The following SEPTIN6 variants were observed in gnomAD, a reference collection of about 807,000 sequenced individuals.
SEPTIN6 encodes septin-6.
SEPTIN6 carries 8 observed loss-of-function variants against 33.6 expected under a neutral mutation model. The ratio of observed to expected loss-of-function variants is 0.24; its 90% CI spans 0.14 to 0.43. The LOEUF (loss-of-function observed/expected upper bound fraction) is 0.43, where lower values mean the gene tolerates loss of function less well. SEPTIN6 is among the 20% of genes least tolerant of loss of function. The probability of loss-of-function intolerance (pLI) is 1.00; values close to 1 mark genes in which losing one functional copy is unlikely to be tolerated. For missense variants in SEPTIN6, 250 were observed against 340.8 expected (o/e 0.73, Z 2.10); for synonymous variants, 131 against 140.0 (o/e 0.94, Z 0.45).
In SEPTIN6 at chrX:119,640,678, G is replaced by A. The variant is rs370954680; in HGVS notation, c.787+14C>T. 10 of 1,178,999 alleles carry A rather than the reference G, an allele frequency of 8.5e-6. No individual in the cohort carries two copies. The highest frequency in any genetic ancestry group is 3.5e-5 in the African/African-American group (2 of 56,418). On this transcript the variant is annotated intron_variant, in intron 6 of 10. Coordinates refer to ENST00000394610, the MANE Select transcript of SEPTIN6 (RefSeq NM_145799.4). ...GGGCTTCCTGTGTGTAGCCCTTCCCGGAGACTCACTCACCCTGCACAGTGC... is the reference window on the plus strand; with the variant it reads ...GGGCTTCCTGTGTGTAGCCCTTCCCAGAGACTCACTCACCCTGCACAGTGC...
rs1205827998 is a variant in SEPTIN6 at position 119,619,801 on chromosome X, CAG to C, written c.*290_*291del. The stretch of plus-strand genomic sequence containing the variant: ...CCTCTGGCAAAGATGTGGGGGAAGA[CAG>C]GGGGGATGGCTGGGGGTGCTGGGAG... On this transcript the variant is annotated 3_prime_UTR_variant, in exon 11 of 11. Coordinates refer to ENST00000394610, the MANE Select transcript of SEPTIN6 (RefSeq NM_145799.4). 73 of 1,034,099 alleles carry C rather than the reference CAG, an allele frequency of 7.1e-5. No individual in the cohort carries two copies. Among genetic ancestry groups the C allele is most frequent in the Non-Finnish European group, 8.5e-5 (69 of 808,805 alleles). 85.2% of individuals were successfully genotyped at this position (1,034,099 alleles called of 1,213,427 possible). A position where few individuals can be genotyped will look rare whatever the true frequency, so the allele number is the denominator to read the frequency against.
At chrX:119,632,487 C>T (rs769206967) in intron 8 of SEPTIN6, among the ~76,000 whole-genome samples, 15 of 107,961 alleles carry the variant, frequency 1.4e-4, no homozygotes, top group South Asian at 8.1e-4. Flanking sequence ...TGAGCCACCG[C>T]GCCCAGCCAA....
At chrX:119,668,051 T>C (rs2054674691) in intron 2 of SEPTIN6, among the ~76,000 whole-genome samples, 1 of 111,809 alleles carries the variant, frequency 8.9e-6, no homozygotes, top group East Asian at 2.8e-4. Flanking sequence ...ATCCCAGCAC[T>C]TTGGGAGGTC....
At chrX:119,634,233 G>C (rs770138915) in intron 7 of SEPTIN6, among the ~76,000 whole-genome samples, 1 of 110,335 alleles carries the variant, frequency 9.1e-6, no homozygotes, top group Non-Finnish European at 1.9e-5. Flanking sequence ...GCCAGGCGTC[G>C]TAGTGGGCGC....
chrX:119,616,029 A>G (rs2053661563), downstream of SEPTIN6: 1 of 177,672 alleles, frequency 5.6e-6, no homozygotes, highest in African/African-American at 3.0e-5. Flanking sequence ...AATGAATTCA[A>G]GGCAGATTTA....
At position 119,618,619 on chromosome X, in the gene SEPTIN6, A is replaced by G. The variant is rs756226885; in HGVS notation, c.*1474T>C. 51 of 1,053,646 alleles carry G rather than the reference A, an allele frequency of 4.8e-5. No homozygotes were observed. In the African/African-American group the frequency reaches 5.4e-4, roughly 11 times the overall value. 86.8% of individuals were successfully genotyped at this position (1,053,646 alleles called of 1,213,427 possible). On this transcript the variant is annotated 3_prime_UTR_variant, in exon 11 of 11. Coordinates refer to ENST00000394610, the MANE Select transcript of SEPTIN6 (RefSeq NM_145799.4). Reference sequence around the variant, plus strand: ...GGCAGGAGCAAGTTGCGGAACTCAAAAAGAAGAAGTGAGCTTGAAGTACAT... The same window carrying G: ...GGCAGGAGCAAGTTGCGGAACTCAAGAAGAAGAAGTGAGCTTGAAGTACAT...
At chrX:119,632,925 G>A (rs2053992446) in intron 8 of SEPTIN6, among the ~76,000 whole-genome samples, 1 of 112,791 alleles carries the variant, frequency 8.9e-6, no homozygotes, top group Non-Finnish European at 1.9e-5. Context: ...ACAGTGTCCG[G>A]CCCAATGTTT....
At chrX:119,655,190 T>G (rs1399663236) in intron 3 of SEPTIN6, among the ~76,000 whole-genome samples, 1 of 110,894 alleles carries the variant, frequency 9.0e-6, no homozygotes, top group Non-Finnish European at 1.9e-5. Context: ...GCTCTCAAGA[T>G]GTACATGGAT....
chrX:119,654,973 T>C (rs973315677), intron 3 of SEPTIN6, among the ~76,000 whole-genome samples: 3 of 111,767 alleles, frequency 2.7e-5, no homozygotes, highest in African/African-American at 6.5e-5. Context: ...TTTGGATGTT[T>C]TGCTGATTTG....
Position 119,619,247 on chromosome X carries a change from C to T in SEPTIN6, c.*846G>A. 2 of 817,213 alleles carry T rather than the reference C, an allele frequency of 2.4e-6. No individual in the cohort carries two copies. The highest frequency in any genetic ancestry group is 2.1e-5 in the African/African-American group (1 of 46,631). 67.3% of individuals were successfully genotyped at this position (817,213 alleles called of 1,213,427 possible). On this transcript the variant is annotated 3_prime_UTR_variant, in exon 11 of 11. Transcript: ENST00000394610. Reference sequence around the variant, plus strand: ...TTATTGGGACAGTATGGAGCCCTTCCGGAAATTACCCCCCGAGATGCTGAA... The same window carrying T: ...TTATTGGGACAGTATGGAGCCCTTCTGGAAATTACCCCCCGAGATGCTGAA...
intron 2 of SEPTIN6, among the ~76,000 whole-genome samples, chrX:119,670,892 C>T (rs1021467982): frequency 1.9e-5 from 2 of 105,065 alleles, no homozygotes; most frequent in Non-Finnish European, 3.9e-5. Flanking sequence ...GCGCCAAGAT[C>T]GTGCCATCGC....
Position 119,617,362 on chromosome X carries a change from C to A in SEPTIN6, c.*2731G>T. ...GAAATACACATTTTAATAGGTTGAT[C>A]AACTTTTTAATTTATGTTCACTCAT... is the stretch of plus-strand genomic sequence containing the variant. On this transcript the variant is annotated 3_prime_UTR_variant, in exon 11 of 11. Transcript: ENST00000394610. 1.2e-6 allele frequency: 1 copy of A among 804,016 alleles called. No individual in the cohort carries two copies. Among genetic ancestry groups the A allele is most frequent in the Non-Finnish European group, 1.5e-6 (1 of 669,991 alleles). The allele number at this position is 804,016 out of a possible 1,213,427, so 66.3% of individuals were successfully genotyped here.
chrX:119,655,850 G>A (rs2054433606), intron 3 of SEPTIN6, among the ~76,000 whole-genome samples: 1 of 112,423 alleles, frequency 8.9e-6, no homozygotes, highest in Admixed American at 9.4e-5. Flanking sequence ...CTGAAGTTTA[G>A]CAGTTTCTTC....
At position 119,657,336 on chromosome X, in the gene SEPTIN6, G is replaced by A. The variant is rs141221122; in HGVS notation, c.342-4296C>T. 7.0e-3 allele frequency among the ~76,000 whole-genome samples: 777 copies of A among 110,588 alleles called. 4 individuals are homozygous for A. Among genetic ancestry groups the A allele is most frequent in the African/African-American group, 0.024 (736 of 30,426 alleles). ...TTTATAAAGTGGACTAGGTTTCCAC[G>A]GCAACTTGGTTCTCAGTCTTGTCAA... is the stretch of plus-strand genomic sequence containing the variant. On this transcript the variant is annotated intron_variant, in intron 3 of 10. Coordinates refer to ENST00000394610, the MANE Select transcript of SEPTIN6 (RefSeq NM_145799.4).
At chrX:119,664,181 ACCATCTTG>A (rs1337694991) in intron 2 of SEPTIN6, among the ~76,000 whole-genome samples, 5 of 111,318 alleles carry the variant, frequency 4.5e-5, no homozygotes, top group Middle Eastern at 4.6e-3. Context: ...ATGGGGTTTC[ACCATCTTG>A]GCCAGGCTGG....
At chrX:119,616,498 TGTTA>T (rs767441696), downstream of SEPTIN6, 21 of 507,798 alleles carry the variant, frequency 4.1e-5, no homozygotes, top group East Asian at 4.2e-4. Context: ...TTTCCTGCCT[TGTTA>T]GTTAGGACAA....
At chrX:119,691,969 G>A (rs988803056) in intron 1 of SEPTIN6, among the ~76,000 whole-genome samples, 16 of 111,351 alleles carry the variant, frequency 1.4e-4, no homozygotes, top group Admixed American at 1.1e-3. Context: ...AGAATAGCTA[G>A]GGTGTCCCCC....
rs2054076151 is a variant in SEPTIN6, at chrX:119,637,133, C to T, written c.850G>A (p.Glu284Lys). 1 of 1,209,546 alleles carries T rather than the reference C, an allele frequency of 8.3e-7. No homozygotes were observed. Among genetic ancestry groups the T allele is most frequent in the African/African-American group, 1.7e-5 (1 of 57,148 alleles). ...LREMLIRVNM[E>K]DLREQTHTRH... Reference sequence around the variant, plus strand: ...GTGTGGGTCTGCTCCCGCAGATCCTCCATGTTGACCCGAATCAGCATCTCC... The same window carrying T: ...GTGTGGGTCTGCTCCCGCAGATCCTTCATGTTGACCCGAATCAGCATCTCC... Residue 284 changes from glutamate (E) to lysine (K), a missense_variant, in exon 7 of 11, where the codon GAG becomes AAG. Coordinates refer to ENST00000394610, the MANE Select transcript of SEPTIN6 (RefSeq NM_145799.4).
chrX:119,619,123 A>C lies in SEPTIN6; in HGVS notation c.*970T>G. 1.1e-6 allele frequency: 1 copy of C among 880,917 alleles called. No homozygotes were observed. Among genetic ancestry groups the C allele is most frequent in the Admixed American group, 6.2e-5 (1 of 16,092 alleles). The allele number at this position is 880,917 out of a possible 1,213,427, so 72.6% of individuals were successfully genotyped here. ...TCATGACATTCACCAAATGAACTAG[A>C]AGACTCATCAGAGCAAACCCCCAAA... is the stretch of plus-strand genomic sequence containing the variant. On this transcript the variant is annotated 3_prime_UTR_variant, in exon 11 of 11. Coordinates refer to ENST00000394610, the MANE Select transcript of SEPTIN6 (RefSeq NM_145799.4).
Sources: allele counts gnomAD v4.1 joint callset (sites outside exome capture counted in the v4.1 genomes callset), GRCh38; gene constraint gnomAD v4.1.1; transcripts MANE v1.5; gene names NCBI Gene and HGNC (gene_info 2026-07-23, HGNC 2026-07-21).